Variants in CDH18 observed in about 807,000 individuals in gnomAD.
CDH18 encodes cadherin-18.
In CDH18, 31 loss-of-function variants were observed where a neutral mutation model predicts 67.9. The ratio of observed to expected loss-of-function variants is 0.46; its 90% CI spans 0.34 to 0.62. CDH18 has a LOEUF of 0.62. CDH18 is among the 20% of genes least tolerant of loss of function. The pLI, the probability that CDH18 is intolerant of heterozygous loss-of-function variation, is 0.01. For synonymous variants in CDH18, 362 were observed against 347.2 expected, an observed-to-expected ratio of 1.04 and a Z score of -0.48; for missense variants, 890 against 975.5, an observed-to-expected ratio of 0.91 and a Z score of 1.17.
At chr5:19,516,533 TA>T (rs1746035200) in intron 10 of CDH18, among the ~76,000 whole-genome samples, 1 of 152,146 alleles carries the variant, frequency 6.6e-6, no homozygotes, top group Non-Finnish European at 1.5e-5. Context: ...CAGAGGCTGT[TA>T]TTGGTCTATT....
At chr5:19,979,145 T>G (rs1426050388) in intron 2 of CDH18, among the ~76,000 whole-genome samples, 1 of 152,072 alleles carries the variant, frequency 6.6e-6, no homozygotes, top group Admixed American at 6.6e-5. Context: ...CTAATCAAGC[T>G]GATTATAGTC....
intron 2 of CDH18, among the ~76,000 whole-genome samples, chr5:20,133,688 T>C (rs577224313): frequency 2.0e-4 from 31 of 152,188 alleles, no homozygotes; most frequent in African/African-American, 7.2e-4. Context: ...TATATATTTT[T>C]CTTTATATTA....
intron 3 of CDH18, among the ~76,000 whole-genome samples, chr5:19,790,739 A>T (rs1033654047): frequency 6.6e-6 from 1 of 152,132 alleles, no homozygotes; most frequent in African/African-American, 2.4e-5. Context: ...CTGGATAAGG[A>T]AGAGTTTATA....
chr5:19,735,582 A>G (rs1768202723), intron 4 of CDH18, among the ~76,000 whole-genome samples: 1 of 151,842 alleles, frequency 6.6e-6, no homozygotes, highest in Non-Finnish European at 1.5e-5. Context: ...TTTTTAGTAG[A>G]GATGGGGTTT....
At chr5:19,639,113 C>T (rs570522366) in intron 5 of CDH18, among the ~76,000 whole-genome samples, 5 of 151,308 alleles carry the variant, frequency 3.3e-5, no homozygotes, top group Non-Finnish European at 7.4e-5. Flanking sequence ...CGCCATTCTC[C>T]TGGCTCAGCT....
At chr5:19,769,752 T>C (rs1040946974) in intron 3 of CDH18, among the ~76,000 whole-genome samples, 4 of 151,944 alleles carry the variant, frequency 2.6e-5, no homozygotes, top group African/African-American at 7.2e-5. Flanking sequence ...ATAAATTATA[T>C]ACATTAAAAC....
chr5:19,979,621 C>G (rs1231354826), intron 2 of CDH18, among the ~76,000 whole-genome samples: 2 of 152,114 alleles, frequency 1.3e-5, no homozygotes, highest in African/African-American at 2.4e-5. Context: ...AGAGTTTATG[C>G]TGCTACCTAG....
At chr5:20,255,107 A>C (rs1256687353) in intron 2 of CDH18, among the ~76,000 whole-genome samples, 2 of 152,166 alleles carry the variant, frequency 1.3e-5, no homozygotes, top group African/African-American at 4.8e-5. Context: ...AAGGGAACAA[A>C]AGACATGGAA....
intron 7 of CDH18, among the ~76,000 whole-genome samples, chr5:19,586,809 AT>A (rs1415599714): frequency 2.0e-5 from 3 of 152,248 alleles, no homozygotes; most frequent in African/African-American, 7.2e-5. Context: ...GGTTGAACTA[AT>A]TTACACTTCT....
chr5:20,551,930 A>C (rs962976587), intron 1 of CDH18, among the ~76,000 whole-genome samples: 6 of 152,138 alleles, frequency 3.9e-5, no homozygotes, highest in African/African-American at 1.4e-4. Flanking sequence ...TTTTTAAAGT[A>C]TTTGAAACCC....
At chr5:19,738,721 C>T (rs75928903) in intron 4 of CDH18, among the ~76,000 whole-genome samples, 2,014 of 152,182 alleles carry the variant, frequency 0.013, 48 homozygotes, top group African/African-American at 0.047. Context: ...ACCATGTACT[C>T]TGGGGCCTAC....
chr5:19,910,588 A>G (rs1196344524), intron 2 of CDH18, among the ~76,000 whole-genome samples: 1 of 152,188 alleles, frequency 6.6e-6, no homozygotes, highest in African/African-American at 2.4e-5. Flanking sequence ...TAAGATTTAT[A>G]GGCACTATGG....
At chr5:20,538,909 G>GTTTTTTTTTTTTTTTTTT (rs35247774) in intron 1 of CDH18, among the ~76,000 whole-genome samples, 25 of 118,722 alleles carry the variant, frequency 2.1e-4, no homozygotes, top group African/African-American at 8.0e-4. Context: ...TTTTTTTTTT[G>GTTTTTTTTTTTTTTTTTT]TTTTTTTTTT....
intron 1 of CDH18, among the ~76,000 whole-genome samples, chr5:20,443,162 A>T (rs1231987089): frequency 7.6e-6 from 1 of 131,948 alleles, no homozygotes; most frequent in Non-Finnish European, 1.6e-5. Flanking sequence ...GTGAGCCGAG[A>T]TCCCGCCACT....
chr5:20,448,389 T>C (rs1300737289), intron 1 of CDH18, among the ~76,000 whole-genome samples: 2 of 152,108 alleles, frequency 1.3e-5, no homozygotes, highest in Non-Finnish European at 2.9e-5. Context: ...ATCTCTTTCA[T>C]CAGGCATGAC....
chr5:20,108,223 G>T (rs1747139911), intron 2 of CDH18, among the ~76,000 whole-genome samples: 1 of 152,086 alleles, frequency 6.6e-6, no homozygotes, highest in Admixed American at 6.5e-5. Context: ...GGGACTACAG[G>T]CATGTGCCAC....
At chr5:20,224,535 T>C (rs200010573) in intron 2 of CDH18, among the ~76,000 whole-genome samples, 1 of 150,538 alleles carries the variant, frequency 6.6e-6, no homozygotes, top group Non-Finnish European at 1.5e-5. Flanking sequence ...TTTTTTCTCT[T>C]CTGTTTTAAT....
At chr5:19,912,558 C>G (rs1041872576) in intron 2 of CDH18, among the ~76,000 whole-genome samples, 1 of 152,042 alleles carries the variant, frequency 6.6e-6, no homozygotes, top group African/African-American at 2.4e-5. Flanking sequence ...CCCTTTTATC[C>G]CATGAATGTT....
chr5:20,341,894 A>C (rs193048728), intron 1 of CDH18, among the ~76,000 whole-genome samples: 2 of 152,098 alleles, frequency 1.3e-5, no homozygotes, highest in African/African-American at 4.8e-5. Flanking sequence ...TACACATAAT[A>C]CCTTTGATCA....
Sources: gnomAD v4.1 joint callset for allele counts (sites outside exome capture counted in the v4.1 genomes callset) on GRCh38, gnomAD v4.1.1 for gene constraint, MANE v1.5 for transcripts, NCBI Gene and HGNC (gene_info 2026-07-23, HGNC 2026-07-21) for gene names.